Variants in PTPRD observed in about 807,000 individuals in gnomAD.
The protein encoded by PTPRD is receptor-type tyrosine-protein phosphatase delta.
Under a neutral mutation model 214.5 loss-of-function variants are expected in PTPRD, and 34 were observed. The ratio of observed to expected loss-of-function variants is 0.16; its 90% CI spans 0.12 to 0.21. The LOEUF (loss-of-function observed/expected upper bound fraction) is 0.21, where lower values mean the gene tolerates loss of function less well. PTPRD is among the 10% of genes least tolerant of loss of function. The pLI is 1.00. For synonymous variants in PTPRD, 1,128 were observed against 845.7 expected (o/e 1.33, Z -5.79); for missense variants, 2,545 against 2,398.7 (o/e 1.06, Z -1.27).
rs867969764 is a variant in PTPRD, at chr9:10,612,990, C to T, written c.-1010G>A. Among the ~76,000 whole-genome samples, 70 of 151,430 alleles carry T rather than the reference C, an allele frequency of 4.6e-4. No individual in the cohort carries two copies. The highest frequency in any genetic ancestry group is 1.5e-3 in the African/African-American group (63 of 41,456). On this transcript the variant is annotated 5_prime_UTR_variant, in exon 1 of 46. Coordinates refer to ENST00000381196, the MANE Select transcript of PTPRD (RefSeq NM_002839.4). ...TCGCTCGCTGGCGCTCCCTCCTCGT[C>T]TCGCTCGCACTCACAGGCACACACC... is the stretch of plus-strand genomic sequence containing the variant.
At chr9:10,097,685 C>A (rs1490410443) in intron 3 of PTPRD, among the ~76,000 whole-genome samples, 2 of 151,742 alleles carry the variant, frequency 1.3e-5, no homozygotes, top group East Asian at 2.0e-4. Context: ...CGTCTGCAAA[C>A]AGGGACAATT....
At chr9:9,786,303 T>A (rs1030188457) in intron 5 of PTPRD, among the ~76,000 whole-genome samples, 11 of 152,198 alleles carry the variant, frequency 7.2e-5, no homozygotes, top group African/African-American at 2.7e-4. Context: ...GTTAAAACTA[T>A]TTTGAGAATT....
At chr9:8,905,885 C>T (rs1382322527) in intron 11 of PTPRD, among the ~76,000 whole-genome samples, 1 of 152,162 alleles carries the variant, frequency 6.6e-6, no homozygotes, top group African/African-American at 2.4e-5. Context: ...CAAATCATGT[C>T]TGTGTTGCTA....
In PTPRD at chr9:9,133,397, T is replaced by C. The variant is rs117231472; in HGVS notation, c.-143+49907A>G. 2.0e-4 allele frequency among the ~76,000 whole-genome samples: 30 copies of C among 152,334 alleles called. 1 individual carries two copies. The East Asian group carries it at 5.8e-3, about 29-fold the overall frequency. ...GAGCTCTCTAAATATTAATCAACAT[T>C]ATCTTCAAATAAATAATATGGATTC... On this transcript the variant is annotated intron_variant, in intron 10 of 45. Coordinates refer to ENST00000381196, the MANE Select transcript of PTPRD (RefSeq NM_002839.4).
rs150137082 is a variant in PTPRD at position 9,252,876 on chromosome 9, G to A, written c.-202-69513C>T. Among the ~76,000 whole-genome samples, 520 of 152,122 alleles carry A rather than the reference G, an allele frequency of 3.4e-3. 5 individuals are homozygous for A. In the East Asian group the frequency reaches 0.039, roughly 11 times the overall value. On this transcript the variant is annotated intron_variant, in intron 9 of 45. Coordinates refer to ENST00000381196, the MANE Select transcript of PTPRD (RefSeq NM_002839.4). ...AACCAGCCAATCACACGCAAGAGTA[G>A]AAGGAATGAAAGATTTTACCTCTCC...
At chr9:9,291,190 C>A (rs1266066750) in intron 9 of PTPRD, among the ~76,000 whole-genome samples, 1 of 151,348 alleles carries the variant, frequency 6.6e-6, no homozygotes, top group Non-Finnish European at 1.5e-5. Flanking sequence ...AATCACTTGC[C>A]ATAACAGGAT....
intron 39 of PTPRD, among the ~76,000 whole-genome samples, chr9:8,363,645 T>A (rs746490428): frequency 1.3e-5 from 2 of 152,154 alleles, no homozygotes; most frequent in Non-Finnish European, 2.9e-5. Context: ...AACTGGGTGA[T>A]CAGAATAGAG....
intron 2 of PTPRD, among the ~76,000 whole-genome samples, chr9:10,442,825 T>C (rs941662458): frequency 6.6e-6 from 1 of 151,388 alleles, no homozygotes; most frequent in Non-Finnish European, 1.5e-5. Flanking sequence ...GTTGGGAAAA[T>C]AGGATACACT....
At chr9:8,319,728 C>G in intron 45 of PTPRD, 103 bp downstream of exon 45, 2 of 1,393,886 alleles carry the variant, frequency 1.4e-6, no homozygotes, top group Non-Finnish European at 2.0e-6. Flanking sequence ...ATGCTTTCCC[C>G]ACAGTATTTT....
At chr9:9,884,829 G>C (rs757474549) in intron 5 of PTPRD, among the ~76,000 whole-genome samples, 1 of 152,100 alleles carries the variant, frequency 6.6e-6, no homozygotes, top group Non-Finnish European at 1.5e-5. Flanking sequence ...ATGTGAAGAA[G>C]GACGTGTTTG....
At position 10,361,034 on chromosome 9, in the gene PTPRD, G is replaced by A. The variant is rs566217687; in HGVS notation, c.-599-20017C>T. On this transcript the variant is annotated intron_variant, in intron 2 of 45. Coordinates refer to ENST00000381196, the MANE Select transcript of PTPRD (RefSeq NM_002839.4). The stretch of plus-strand genomic sequence containing the variant: ...GGAGAATGGCGTGAACACGGGAGGC[G>A]GAGCTTGTAGTGAGCCGAGATGGAG... Among the ~76,000 whole-genome samples, 173 of 152,184 alleles carry A rather than the reference G, an allele frequency of 1.1e-3. 1 individual carries two copies. The highest frequency in any genetic ancestry group is 2.8e-3 in the African/African-American group (116 of 41,548).
chr9:8,797,828 G>T (rs1039692920), intron 11 of PTPRD, among the ~76,000 whole-genome samples: 2 of 151,744 alleles, frequency 1.3e-5, no homozygotes, highest in Non-Finnish European at 2.9e-5. Context: ...TCACTTTAGT[G>T]TCTAGAACAG....
chr9:10,543,666 G>C (rs1257104026), intron 2 of PTPRD, among the ~76,000 whole-genome samples: 3 of 152,184 alleles, frequency 2.0e-5, no homozygotes, highest in Non-Finnish European at 4.4e-5. Context: ...TTTGAAGTTG[G>C]ACATTTGAAC....
intron 35 of PTPRD, among the ~76,000 whole-genome samples, chr9:8,433,667 G>C (rs567511141): frequency 3.3e-5 from 5 of 152,076 alleles, no homozygotes; most frequent in African/African-American, 1.2e-4. Flanking sequence ...ATAAAATAAG[G>C]ATATAAAGAA....
At chr9:9,575,717 C>CAAAAAAAAAAGAAAAAAAAAAAAAAAAAA (rs2088326335) in intron 7 of PTPRD, among the ~76,000 whole-genome samples, 1 of 33,312 alleles carries the variant, frequency 3.0e-5, no homozygotes, top group Non-Finnish European at 5.3e-5. Flanking sequence ...AAGACTGTCT[C>CAAAAAAAAAAGAAAAAAAAAAAAAAAAAA]AAAAAAAAAA....
chr9:9,101,266 C>G (rs1308029638), intron 10 of PTPRD, among the ~76,000 whole-genome samples: 1 of 151,892 alleles, frequency 6.6e-6, no homozygotes, highest in Non-Finnish European at 1.5e-5. Flanking sequence ...TTAATAGATG[C>G]TTAGGGATTC....
intron 35 of PTPRD, among the ~76,000 whole-genome samples, chr9:8,421,289 C>T (rs1407118025): frequency 6.6e-6 from 1 of 152,022 alleles, no homozygotes; most frequent in African/African-American, 2.4e-5. Context: ...CCTTCTCTCC[C>T]TCTCTCTTCT....
chr9:10,092,426 T>C lies in PTPRD; in HGVS notation c.-544-58636A>G, dbSNP rs143465540. Among the ~76,000 whole-genome samples, 12 of 151,408 alleles carry C rather than the reference T, an allele frequency of 7.9e-5. No homozygotes were observed. In the Admixed American group the frequency reaches 7.9e-4, roughly 10 times the overall value. Reference sequence around the variant, plus strand: ...CACTCCTCTAAAAGCATCACTGATGTGATATTTCTGCTGAGAAAATTTGGA... The same window carrying C: ...CACTCCTCTAAAAGCATCACTGATGCGATATTTCTGCTGAGAAAATTTGGA... On this transcript the variant is annotated intron_variant, in intron 3 of 45. Coordinates refer to ENST00000381196, the MANE Select transcript of PTPRD (RefSeq NM_002839.4).
At chr9:9,573,921 G>A (rs1022297969) in intron 8 of PTPRD, among the ~76,000 whole-genome samples, 1 of 151,710 alleles carries the variant, frequency 6.6e-6, no homozygotes, top group African/African-American at 2.4e-5. Context: ...TGCCCAAATA[G>A]GAGTTTTAAT....
Sources: allele counts gnomAD v4.1 joint callset (sites outside exome capture counted in the v4.1 genomes callset), GRCh38; gene constraint gnomAD v4.1.1; transcripts MANE v1.5; gene names NCBI Gene and HGNC (gene_info 2026-07-23, HGNC 2026-07-21).